The following OAT variants were observed in gnomAD, a reference collection of about 807,000 sequenced individuals.
The protein encoded by OAT is ornithine aminotransferase, also known as ornithine aminotransferase, mitochondrial.
Under a neutral mutation model 48.4 loss-of-function variants are expected in OAT, and 35 were observed. That is an observed-to-expected ratio of 0.72 (90% CI 0.55 to 0.96). The LOEUF (loss-of-function observed/expected upper bound fraction) is 0.96, where lower values mean the gene tolerates loss of function less well. Among genes scored for constraint, OAT ranks in the 40% least tolerant of loss-of-function variants. OAT has a pLI of 0.00. For missense variants in OAT, 438 were observed against 537.9 expected (o/e 0.81, Z 1.84); for synonymous variants, 182 against 198.4 (o/e 0.92, Z 0.70).
chr10:124,403,107 G>A (rs1330184193), intron 6 of OAT, 52 bp from the exon 7 acceptor site: 1 of 1,598,090 alleles, frequency 6.3e-7, no homozygotes, highest in Non-Finnish European at 8.6e-7. Context: ...TTTCCACAGG[G>A]AAAATAGCCA....
intron 1 of OAT, chr10:124,415,070 G>GACTGTGT: frequency 2.5e-5 from 1 of 39,354 alleles, no homozygotes; most frequent in Non-Finnish European, 5.1e-5. Context: ...GGGCTACAAA[G>GACTGTGT]CGCTAAAAAA....
At chr10:124,403,685 T>C (rs1589702081) in intron 6 of OAT, 113 bp downstream of exon 6, 1 of 1,444,020 alleles carries the variant, frequency 6.9e-7, no homozygotes, top group Non-Finnish European at 9.7e-7. Context: ...ATTTAATCTT[T>C]GCATTTATCC....
chr10:124,403,105 G>A, intron 6 of OAT, 50 bp from the exon 7 acceptor site: 1 of 1,604,258 alleles, frequency 6.2e-7, no homozygotes, highest in Non-Finnish European at 8.5e-7. Context: ...CGTTTCCACA[G>A]GGAAAATAGC....
chr10:124,416,919 A>C (rs536517810), intron 1 of OAT, among the ~76,000 whole-genome samples: 1 of 152,128 alleles, frequency 6.6e-6, no homozygotes, highest in South Asian at 2.1e-4. Context: ...TGACGTAATC[A>C]GTATTCTGGC....
Position 124,403,284 on chromosome 10 carries a change from C to T in OAT, c.772-229G>A, listed in dbSNP as rs1951467589. On this transcript the variant is annotated intron_variant, in intron 6 of 9. Transcript: ENST00000368845. ...GCCACTATCTCCCTAGAGGCCCATT[C>T]TGCCCTGCTCTACATAGTGAAAAGG... 13 of 592,942 alleles carry T rather than the reference C, an allele frequency of 2.2e-5. No individual in the cohort carries two copies. The South Asian group carries it at 2.4e-4, about 11-fold the overall frequency. The allele number at this position is 592,942 out of a possible 1,614,324, so 36.7% of individuals were successfully genotyped here. A position where few individuals can be genotyped will look rare whatever the true frequency, so the allele number is the denominator to read the frequency against.
Position 124,400,826 on chromosome 10 carries a change from T to C in OAT, c.1159+14A>G, listed in dbSNP as rs1181421983. On this transcript the variant is annotated intron_variant, in intron 9 of 9. Coordinates refer to ENST00000368845, the MANE Select transcript of OAT (RefSeq NM_000274.4). ...CTTAAAAAATTATCTTGAGTAAATGTTTTATCTCCATACCTTTGGTTTCTT... is the reference window on the plus strand; with the variant it reads ...CTTAAAAAATTATCTTGAGTAAATGCTTTATCTCCATACCTTTGGTTTCTT... 2 of 1,570,524 alleles carry C rather than the reference T, an allele frequency of 1.3e-6. No homozygotes were observed.
chr10:124,408,907 A>C lies in OAT; in HGVS notation c.258T>G (p.Ser86Arg), dbSNP rs1220751995. 1 of 1,614,064 alleles carries C rather than the reference A, an allele frequency of 6.2e-7. No homozygotes were observed. Among genetic ancestry groups the C allele is most frequent in the East Asian group, 2.2e-5 (1 of 44,858 alleles). The part of the protein sequence containing the change: ...RKYFDFLSSY[S>R]AVNQGHCHPK... ...GGTGACAATGCCCTTGGTTGACAGC[A>C]CTGTAAGAACTCAGGAAGTCAAAAT... Residue 86 changes from serine to arginine, a missense_variant, in exon 3 of 10, where the codon AGT (serine) becomes AGG (arginine). By Grantham distance (110) the Ser-to-Arg change is moderately radical. Coordinates refer to ENST00000368845, the MANE Select transcript of OAT (RefSeq NM_000274.4).
chr10:124,406,495 T>C (rs1039055753), intron 4 of OAT, among the ~76,000 whole-genome samples: 2 of 147,022 alleles, frequency 1.4e-5, no homozygotes, highest in African/African-American at 4.9e-5. Flanking sequence ...TCTCAAAAAA[T>C]AAAAATAATA....
In OAT at chr10:124,408,760, T is replaced by G. The variant is rs1301338240; in HGVS notation, c.405A>C (p.Lys135Asn). 6.2e-7 allele frequency: 1 copy of G among 1,608,882 alleles called. No individual in the cohort carries two copies. The highest frequency in any genetic ancestry group is 8.5e-7 in the Non-Finnish European group (1 of 1,176,278). Residue 135 changes from lysine (K) to asparagine (N), a missense_variant, in exon 3 of 10, where the codon AAA becomes AAC. Transcript: ENST00000368845. ...EYITKLFNYH[K>N]VLPMNTGVEA... ...TTTTACCTGTATTCATAGGAAGAACTTTGTGGTAGTTGAAAAGTTTAGTAA... is the reference window on the plus strand; with the variant it reads ...TTTTACCTGTATTCATAGGAAGAACGTTGTGGTAGTTGAAAAGTTTAGTAA...
At chr10:124,404,993 G>A (rs1298484265) in intron 5 of OAT, among the ~76,000 whole-genome samples, 3 of 152,176 alleles carry the variant, frequency 2.0e-5, no homozygotes, top group Non-Finnish European at 1.5e-5. Flanking sequence ...GCAGTGAGAC[G>A]AGATTGTGCC....
chr10:124,409,363 G>A (rs1951687381), intron 2 of OAT, among the ~76,000 whole-genome samples: 1 of 152,144 alleles, frequency 6.6e-6, no homozygotes, highest in South Asian at 2.1e-4. Flanking sequence ...AGGAGTTCCA[G>A]ATCAGCCTGG....
At chr10:124,414,577 T>C (rs1951858902) in intron 1 of OAT, 1 of 152,198 alleles carries the variant, frequency 6.6e-6, no homozygotes, top group Non-Finnish European at 1.5e-5. Flanking sequence ...AGGTAGCTGC[T>C]AGCAAAAATG....
chr10:124,399,256 C>G (rs1426513789), intron 9 of OAT, among the ~76,000 whole-genome samples: 1 of 151,878 alleles, frequency 6.6e-6, no homozygotes, highest in African/African-American at 2.4e-5. Context: ...ATGCCTGTGC[C>G]CCGTCCCAGA....
intron 9 of OAT, among the ~76,000 whole-genome samples, chr10:124,398,941 C>G (rs1016063948): frequency 1.3e-5 from 2 of 152,052 alleles, no homozygotes; most frequent in Non-Finnish European, 2.9e-5. Context: ...CGCTTGAACC[C>G]AGGAAGTGGA....
rs193257997 is a variant in OAT at position 124,403,105 on chromosome 10, G to T, written c.772-50C>A. 4.4e-6 allele frequency: 7 copies of T among 1,604,258 alleles called. No homozygotes were observed. In the African/African-American group the frequency reaches 9.4e-5, roughly 21 times the overall value. ...ATTAGTGATCACTTTCGTTTCCACA[G>T]GGAAAATAGCCATCCTTATTTCACT... is the stretch of plus-strand genomic sequence containing the variant. On this transcript the variant is annotated intron_variant, in intron 6 of 9. Transcript: ENST00000368845.
intron 9 of OAT, among the ~76,000 whole-genome samples, chr10:124,398,504 T>G (rs1320999428): frequency 6.7e-6 from 1 of 150,204 alleles, no homozygotes; most frequent in Non-Finnish European, 1.5e-5. Flanking sequence ...AGACACCGTC[T>G]CAAAAAAAAA....
intron 5 of OAT, among the ~76,000 whole-genome samples, chr10:124,404,271 ATT>A (rs71026081): frequency 3.5e-5 from 5 of 141,194 alleles, no homozygotes; most frequent in Non-Finnish European, 3.1e-5. Context: ...ATTTATTTTC[ATT>A]TTTTTTTTTT....
chr10:124,414,538 C>T (rs1238386411), intron 1 of OAT: 1 of 152,062 alleles, frequency 6.6e-6, no homozygotes, highest in East Asian at 2.0e-4. Context: ...ACAATCAAAA[C>T]AAAAGTGATG....
intron 9 of OAT, among the ~76,000 whole-genome samples, chr10:124,399,338 CTTTTTTTTTTTT>C (rs937720307): frequency 1.7e-5 from 1 of 58,764 alleles, no homozygotes; most frequent in Non-Finnish European, 3.0e-5. Flanking sequence ...CCAGGTGATT[CTTTTTTTTTTTT>C]TTTTTTTTTT....
Sources: gnomAD v4.1 joint callset for allele counts (sites outside exome capture counted in the v4.1 genomes callset) on GRCh38, gnomAD v4.1.1 for gene constraint, MANE v1.5 for transcripts, NCBI Gene and HGNC (gene_info 2026-07-23, HGNC 2026-07-21) for gene names.